The following ROCK2 variants were observed in gnomAD, a reference collection of about 807,000 sequenced individuals.
ROCK2 encodes Rho associated coiled-coil containing protein kinase 2.
In ROCK2, 61 loss-of-function variants were observed where a neutral mutation model predicts 195.1. That is an observed-to-expected ratio of 0.31 (90% CI 0.25 to 0.39). ROCK2 has a LOEUF of 0.39. Ranked by LOEUF, ROCK2 falls within the 10% of genes least tolerant of loss-of-function variation. The pLI, the probability that ROCK2 is intolerant of heterozygous loss-of-function variation, is 1.00. For synonymous variants in ROCK2, 504 were observed against 545.5 expected (o/e 0.92, Z 1.06); for missense variants, 1,109 against 1,637.4 (o/e 0.68, Z 5.57).
chr2:11,328,430 C>T (rs548057702), intron 1 of ROCK2, among the ~76,000 whole-genome samples: 5 of 152,316 alleles, frequency 3.3e-5, no homozygotes, highest in Admixed American at 1.3e-4. Context: ...AAGTTCTGTA[C>T]AGTTTACAGA....
At chr2:11,241,293 A>G (rs552254033) in intron 4 of ROCK2, among the ~76,000 whole-genome samples, 1 of 152,276 alleles carries the variant, frequency 6.6e-6, no homozygotes, top group South Asian at 2.1e-4. Context: ...ATACAAAATG[A>G]AGCATGCAAA....
intron 3 of ROCK2, among the ~76,000 whole-genome samples, chr2:11,261,104 A>C (rs1346014688): frequency 6.6e-6 from 1 of 152,220 alleles, no homozygotes; most frequent in Admixed American, 6.5e-5. Context: ...TTTTGGCTAC[A>C]TGTTCTAGTT....
At chr2:11,216,033 C>T (rs943145359) in intron 13 of ROCK2, 125 bp downstream of exon 13, 2 of 745,192 alleles carry the variant, frequency 2.7e-6, no homozygotes, top group Admixed American at 2.3e-5. Flanking sequence ...TAGTCCTATC[C>T]ACCAATACTA....
intron 3 of ROCK2, among the ~76,000 whole-genome samples, chr2:11,253,365 T>C (rs958121872): frequency 1.3e-5 from 2 of 152,180 alleles, no homozygotes; most frequent in African/African-American, 4.8e-5. Context: ...TGGAAAGGTA[T>C]TTAAAAACCC....
At chr2:11,271,019 G>A (rs1666608814) in intron 3 of ROCK2, among the ~76,000 whole-genome samples, 1 of 152,170 alleles carries the variant, frequency 6.6e-6, no homozygotes, top group African/African-American at 2.4e-5. Flanking sequence ...CTTGTGGGCA[G>A]TGTTCTATAG....
upstream of ROCK2, chr2:11,344,723 G>C (rs1215970252): frequency 1.4e-5 from 2 of 147,928 alleles, no homozygotes; most frequent in South Asian, 1.9e-4. This position sits in a 1 kb window ranked among gnomAD's most constrained non-coding sequence, Gnocchi z 5.4. Context: ...GCTCCGCCCC[G>C]CCCCGCCCCG....
intron 32 of ROCK2, among the ~76,000 whole-genome samples, chr2:11,190,304 C>A (rs977328172): frequency 2.7e-5 from 4 of 147,582 alleles, no homozygotes; most frequent in African/African-American, 1.0e-4. Flanking sequence ...GTTGCTATGA[C>A]AAAATGTGTT....
At chr2:11,208,740 G>A (rs1664146472) in intron 18 of ROCK2, among the ~76,000 whole-genome samples, 1 of 151,704 alleles carries the variant, frequency 6.6e-6, no homozygotes, top group African/African-American at 2.4e-5. Flanking sequence ...TTACAGGCGT[G>A]TGCCACCACA....
rs1169980548 is a variant in ROCK2 at position 11,207,709 on chromosome 2, T to A, written c.2549+17A>T. 6.3e-7 allele frequency: 1 copy of A among 1,582,068 alleles called. No individual in the cohort carries two copies. The highest frequency in any genetic ancestry group is 8.6e-7 in the Non-Finnish European group (1 of 1,159,478). On this transcript the variant is annotated intron_variant, in intron 20 of 32. Transcript: ENST00000315872. The stretch of plus-strand genomic sequence containing the variant: ...GGATAATTATGCATATTAAAACATC[T>A]CAATCAATTAACTTACTTTCGAAGT...
rs1572244640 is a variant in ROCK2, at chr2:11,208,556, T to C, written c.2204-109A>G. ...GACACCATACTAATAAAAATTATAA[T>C]AAATGATGCTGCCTTATATTCTATT... is the stretch of plus-strand genomic sequence containing the variant. On this transcript the variant is annotated intron_variant, in intron 18 of 32. Transcript: ENST00000315872. 2.9e-5 allele frequency: 14 copies of C among 489,928 alleles called. No individual in the cohort carries two copies. The South Asian group carries it at 9.3e-4, about 33-fold the overall frequency. 30.3% of individuals were successfully genotyped at this position (489,928 alleles called of 1,614,324 possible).
intron 1 of ROCK2, among the ~76,000 whole-genome samples, chr2:11,301,005 A>T (rs1199011301): frequency 6.6e-6 from 1 of 152,244 alleles, no homozygotes; most frequent in African/African-American, 2.4e-5. Flanking sequence ...ATAGTTCTCA[A>T]AACCTGGTAG....
intron 1 of ROCK2, among the ~76,000 whole-genome samples, chr2:11,298,751 T>A (rs575485940): frequency 9.9e-5 from 15 of 152,214 alleles, no homozygotes; most frequent in Non-Finnish European, 1.8e-4. Context: ...ATACTTTGGA[T>A]CCCATCTTCC....
At chr2:11,193,755 A>T in intron 30 of ROCK2, 24 bp downstream of exon 30, 1 of 1,435,546 alleles carries the variant, frequency 7.0e-7, no homozygotes, top group Non-Finnish European at 9.6e-7. Context: ...CCAACCAACC[A>T]AATATAAACA....
chr2:11,224,236 T>C (rs746926276), intron 7 of ROCK2, 86 bp downstream of exon 7: 33 of 1,288,146 alleles, frequency 2.6e-5, no homozygotes, highest in Non-Finnish European at 3.6e-5. Context: ...GCAGACTGAT[T>C]TCATATGTTA....
intron 4 of ROCK2, among the ~76,000 whole-genome samples, chr2:11,247,197 CA>C (rs1445506572): frequency 1.3e-5 from 2 of 150,894 alleles, no homozygotes; most frequent in African/African-American, 4.9e-5. Flanking sequence ...TTGGCAGGGG[CA>C]GGGGGGCAGG....
chr2:11,275,978 G>A (rs1666812709), intron 3 of ROCK2, among the ~76,000 whole-genome samples: 1 of 151,962 alleles, frequency 6.6e-6, no homozygotes, highest in Non-Finnish European at 1.5e-5. Context: ...GGGATTATAG[G>A]CGTGAGCCAC....
chr2:11,300,242 G>T (rs1158670721), intron 1 of ROCK2, among the ~76,000 whole-genome samples: 1 of 152,080 alleles, frequency 6.6e-6, no homozygotes, highest in African/African-American at 2.4e-5. Context: ...AACCAATTTA[G>T]ATACACATTA....
intron 32 of ROCK2, among the ~76,000 whole-genome samples, chr2:11,189,607 C>T (rs1217069527): frequency 6.6e-6 from 1 of 152,210 alleles, no homozygotes; most frequent in African/African-American, 2.4e-5. Context: ...ATAATACTTT[C>T]AAATGACATA....
chr2:11,309,075 A>G (rs1667952845), intron 1 of ROCK2: 2 of 1,327,032 alleles, frequency 1.5e-6, no homozygotes, highest in East Asian at 2.4e-5. Context: ...GAGGGAGTCC[A>G]ATGCAAAGCT....
Sources: allele counts gnomAD v4.1 joint callset (sites outside exome capture counted in the v4.1 genomes callset), GRCh38; gene constraint gnomAD v4.1.1; non-coding constraint Gnocchi (gnomAD v3.1); transcripts MANE v1.5; gene names NCBI Gene and HGNC (gene_info 2026-07-23, HGNC 2026-07-21).